The following MYO18B variants were observed in gnomAD, a reference collection of about 807,000 sequenced individuals.
The protein encoded by MYO18B is myosin XVIIIB.
MYO18B carries 204 observed loss-of-function variants against 273.0 expected under a neutral mutation model. The ratio of observed to expected loss-of-function variants is 0.75; its 90% CI spans 0.67 to 0.84. The LOEUF is 0.84. MYO18B is among the 40% of genes least tolerant of loss of function. The pLI, the probability that MYO18B is intolerant of heterozygous loss-of-function variation, is 0.00. For synonymous variants in MYO18B, 1,330 were observed against 1,305.7 expected (o/e 1.02, Z -0.40); for missense variants, 3,212 against 3,287.6 (o/e 0.98, Z 0.56).
chr22:25,971,889 C>T (rs2093039007), intron 39 of MYO18B, among the ~76,000 whole-genome samples: 1 of 151,820 alleles, frequency 6.6e-6, no homozygotes, highest in African/African-American at 2.4e-5. Flanking sequence ...GTCCTAGGGA[C>T]AATTCAGACT....
At chr22:25,797,905 T>G in intron 11 of MYO18B, 48 bp from the exon 12 acceptor site, 1 of 1,613,724 alleles carries the variant, frequency 6.2e-7, no homozygotes, top group Non-Finnish European at 8.5e-7. Context: ...GCTTGTGTTT[T>G]CTCCATCGCG....
chr22:25,752,887 GT>G (rs1011902294), intron 1 of MYO18B, among the ~76,000 whole-genome samples: 30 of 152,300 alleles, frequency 2.0e-4, no homozygotes, highest in African/African-American at 6.7e-4. Flanking sequence ...CGGAGGCTCC[GT>G]ACTCGGAGCG....
At chr22:25,921,702 T>TGTGTGTG (rs2092344834) in intron 34 of MYO18B, among the ~76,000 whole-genome samples, 9 of 145,714 alleles carry the variant, frequency 6.2e-5, no homozygotes, top group African/African-American at 2.0e-4. Flanking sequence ...AGTGTGCCTG[T>TGTGTGTG]TGTGTGTGTG....
rs1426023371 is a variant in MYO18B at position 25,789,637 on chromosome 22, A to AAG, written c.2376+4147_2376+4148insGA. Among the ~76,000 whole-genome samples the AAG allele has an allele frequency of 4.6e-3, 5 of 1,076 alleles. No individual in the cohort carries two copies. The Non-Finnish European group carries it at 0.13, about 29-fold the overall frequency. The allele number at this position is 1,076 out of a possible 152,430, so 0.7% of individuals were successfully genotyped here. On this transcript the variant is annotated intron_variant, in intron 11 of 43. Coordinates refer to ENST00000335473, the MANE Select transcript of MYO18B (RefSeq NM_032608.7). The stretch of plus-strand genomic sequence containing the variant: ...AGTGACAGAGCGAGACTGTCTCAAG[A>AAG]AAAAAAAAATAACGAAATTACTACA...
chr22:25,851,505 C>T lies in MYO18B; in HGVS notation c.3811C>T (p.Arg1271Trp), dbSNP rs776775445. Reference sequence around the variant, plus strand: ...CCACATGGGGCTCACTCGCTTCCGCCGGCAATTCCAGGTGCTGGACGCTCC... The same window carrying T: ...CCACATGGGGCTCACTCGCTTCCGCTGGCAATTCCAGGTGCTGGACGCTCC... ...ADHMGLTRFR[R>W]QFQVLDAPLL... Residue 1271 changes from arginine (R) to tryptophan (W), a missense_variant, in exon 21 of 44, where the codon CGG becomes TGG. Physicochemically the swap from Arg to Trp is moderately radical, Grantham distance 101. Coordinates refer to ENST00000335473, the MANE Select transcript of MYO18B (RefSeq NM_032608.7). 2.9e-5 allele frequency: 45 copies of T among 1,559,676 alleles called. No individual in the cohort carries two copies. The highest frequency in any genetic ancestry group is 9.5e-5 in the African/African-American group (7 of 73,418).
chr22:25,762,574 T>TG (rs559774228), intron 2 of MYO18B, among the ~76,000 whole-genome samples: 5 of 152,256 alleles, frequency 3.3e-5, no homozygotes, highest in Admixed American at 6.5e-5. Flanking sequence ...GCCGTATTTC[T>TG]GGGGGGTAAA....
chr22:25,760,403 C>G (rs35275115), intron 1 of MYO18B, among the ~76,000 whole-genome samples: 1 of 93,842 alleles, frequency 1.1e-5, no homozygotes, highest in Non-Finnish European at 1.9e-5. Context: ...CAGAGCAAGA[C>G]TCCATCTCAA....
intron 14 of MYO18B, among the ~76,000 whole-genome samples, chr22:25,828,451 G>C (rs2089575455): frequency 6.6e-6 from 1 of 151,846 alleles, no homozygotes; most frequent in Non-Finnish European, 1.5e-5. Flanking sequence ...TCTGAAGAAA[G>C]AAAAGGAGGG....
At position 26,027,543 on chromosome 22, in the gene MYO18B, C is replaced by T. The variant is rs1194371165; in HGVS notation, c.7569C>T (p.Ser2523=). 2 of 1,613,986 alleles carry T rather than the reference C, an allele frequency of 1.2e-6. No individual in the cohort carries two copies. The highest frequency in any genetic ancestry group is 1.7e-6 in the Non-Finnish European group (2 of 1,179,884). Residue 2523 remains serine, a synonymous_variant, in exon 43 of 44, where the codon AGC becomes AGT. Coordinates refer to ENST00000335473, the MANE Select transcript of MYO18B (RefSeq NM_032608.7). The surrounding 1 kb of genome is among the most constrained non-coding windows in gnomAD (Gnocchi z 4.1). ...TCGTGTCCTTCAAAAGTGCTGACAG[C>T]ATCAAAAGTCGACCAGGAATCCCAC... ...GSIVSFKSAD[S]IKSRPGIPRL... is the part of the protein sequence containing the mutation.
chr22:25,792,110 G>A (rs1321316911), intron 11 of MYO18B, among the ~76,000 whole-genome samples: 1 of 152,168 alleles, frequency 6.6e-6, no homozygotes, highest in African/African-American at 2.4e-5. Context: ...CCTGTGGGAT[G>A]GGTAAAGCAA....
intron 38 of MYO18B, among the ~76,000 whole-genome samples, chr22:25,954,745 T>C (rs1028699988): frequency 6.6e-6 from 1 of 152,206 alleles, no homozygotes; most frequent in Admixed American, 6.5e-5. Flanking sequence ...AGGGTCTCTC[T>C]CTGTCACCCA....
At chr22:25,787,341 G>T (rs918043525) in intron 11 of MYO18B, among the ~76,000 whole-genome samples, 2 of 150,452 alleles carry the variant, frequency 1.3e-5, no homozygotes, top group Non-Finnish European at 2.9e-5. Flanking sequence ...AGTATTATCT[G>T]CAGAGTTTCT....
At chr22:25,888,316 T>C (rs2091562063) in intron 25 of MYO18B, among the ~76,000 whole-genome samples, 1 of 152,122 alleles carries the variant, frequency 6.6e-6, no homozygotes, top group African/African-American at 2.4e-5. Context: ...CAGGCTGGAG[T>C]GCAGTGGTGT....
In MYO18B at chr22:25,924,139, G is replaced by A. The variant is rs117572318; in HGVS notation, c.5517+2730G>A. ...GGGTACAGTTGCTTTGGCTCCCAGC[G>A]CACGTGTCCCAGATGCCAGAGTCAG... is the stretch of plus-strand genomic sequence containing the variant. On this transcript the variant is annotated intron_variant, in intron 34 of 43. Coordinates refer to ENST00000335473, the MANE Select transcript of MYO18B (RefSeq NM_032608.7). Among the ~76,000 whole-genome samples the A allele has an allele frequency of 5.5e-3, 834 of 152,328 alleles. 8 individuals are homozygous for A. The highest frequency in any genetic ancestry group is 8.3e-3 in the Non-Finnish European group (566 of 68,032).
Position 25,807,096 on chromosome 22 carries a change from T to C in MYO18B, c.2521+8999T>C, listed in dbSNP as rs534211629. ...GCCTCTGAGATGGGCTTGGTGAGGG[T>C]TGTTAAACCCATTTGGTGAGTGAAG... On this transcript the variant is annotated intron_variant, in intron 12 of 43. Coordinates refer to ENST00000335473, the MANE Select transcript of MYO18B (RefSeq NM_032608.7). Among the ~76,000 whole-genome samples, 7 of 152,344 alleles carry C rather than the reference T, an allele frequency of 4.6e-5. No individual in the cohort carries two copies. The East Asian group carries it at 1.3e-3, about 29-fold the overall frequency.
intron 25 of MYO18B, among the ~76,000 whole-genome samples, chr22:25,888,008 C>T (rs6004811): frequency 0.03 from 4,537 of 152,208 alleles, 229 homozygotes; most frequent in African/African-American, 0.1. Context: ...TCCTGGCTTG[C>T]ACCTCCCTGT....
At chr22:25,904,070 G>T (rs1478450422) in intron 31 of MYO18B, among the ~76,000 whole-genome samples, 1 of 152,094 alleles carries the variant, frequency 6.6e-6, no homozygotes, top group Non-Finnish European at 1.5e-5. Flanking sequence ...CTTGCAAATA[G>T]CTCCCACTAG....
At chr22:25,898,154 C>G in intron 28 of MYO18B, 153 bp from the exon 29 acceptor site, 1 of 754,592 alleles carries the variant, frequency 1.3e-6, no homozygotes, top group Non-Finnish European at 2.1e-6. Context: ...CTGGAGGTGA[C>G]CCTGGAGGAA....
At position 25,784,151 on chromosome 22, in the gene MYO18B, C is replaced by T. The variant is rs184441938; in HGVS notation, c.2313-1277C>T. The stretch of plus-strand genomic sequence containing the variant: ...CTGGTATGTGCTTCTGGTTCAAAAA[C>T]CTGCCAGCGCAGTCTCCCTTCCTCA... On this transcript the variant is annotated intron_variant, in intron 10 of 43. Coordinates refer to ENST00000335473, the MANE Select transcript of MYO18B (RefSeq NM_032608.7). Among the ~76,000 whole-genome samples, 30 of 152,328 alleles carry T rather than the reference C, an allele frequency of 2.0e-4. No homozygotes were observed. In the Middle Eastern group the frequency reaches 0.014, roughly 69 times the overall value.
Sources: allele counts gnomAD v4.1 joint callset (sites outside exome capture counted in the v4.1 genomes callset), GRCh38; gene constraint gnomAD v4.1.1; non-coding constraint Gnocchi (gnomAD v3.1); transcripts MANE v1.5; gene names NCBI Gene and HGNC (gene_info 2026-07-23, HGNC 2026-07-21).